The following SP140 variants were observed in gnomAD, a reference collection of about 807,000 sequenced individuals.
SP140 encodes SP140 nuclear body protein, also known as nuclear body protein SP140.
SP140 carries 81 observed loss-of-function variants against 125.0 expected under a neutral mutation model. The ratio of observed to expected loss-of-function variants is 0.65; its 90% CI spans 0.54 to 0.78. The LOEUF is 0.78. Among genes scored for constraint, SP140 ranks in the 30% least tolerant of loss-of-function variants. SP140 has a pLI of 0.00. For missense variants in SP140, 858 were observed against 1,037.0 expected (o/e 0.83, Z 2.37); for synonymous variants, 312 against 354.0 (o/e 0.88, Z 1.33).
At chr2:230,206,651 T>C (rs1482097765) in intron 1 of SP140, among the ~76,000 whole-genome samples, 2 of 99,878 alleles carry the variant, frequency 2.0e-5, no homozygotes, top group African/African-American at 7.0e-5. Context: ...ACCACACTTT[T>C]TCAGTGAGTG....
chr2:230,219,849 T>G, intron 3 of SP140: 1 of 925,536 alleles, frequency 1.1e-6, no homozygotes, highest in Non-Finnish European at 1.3e-6. Flanking sequence ...GAGCGAAGAA[T>G]AAAGCAGCAA....
intron 3 of SP140, among the ~76,000 whole-genome samples, chr2:230,218,750 T>C (rs918073659): frequency 6.6e-6 from 1 of 152,218 alleles, no homozygotes; most frequent in African/African-American, 2.4e-5. Flanking sequence ...CTATGCAAGA[T>C]ACTACATCTC....
At chr2:230,270,059 C>T in intron 14 of SP140, 106 bp downstream of exon 14, 3 of 740,698 alleles carry the variant, frequency 4.1e-6, no homozygotes, top group Middle Eastern at 2.4e-4. Context: ...CTATTCTCCG[C>T]ATTTGCTTGA....
At chr2:230,263,215 C>A (rs542750906) in intron 12 of SP140, among the ~76,000 whole-genome samples, 1 of 152,054 alleles carries the variant, frequency 6.6e-6, no homozygotes, top group East Asian at 1.9e-4. Flanking sequence ...GTATAATGTC[C>A]CTCTGTGTCT....
intron 23 of SP140, chr2:230,310,449 C>T: frequency 1.6e-6 from 1 of 617,752 alleles, no homozygotes; most frequent in East Asian, 3.3e-5. Context: ...TTCTGAAACT[C>T]AGGCCTGACA....
rs529963942 is a variant in SP140 at position 230,276,815 on chromosome 2, G to T, written c.1498+6176G>T. ...TATCAACATTAACAGGAATTTAGAA[G>T]AAGTTGATTACAATCCTCGTGGATG... On this transcript the variant is annotated intron_variant, in intron 15 of 26. Coordinates refer to ENST00000392045, the MANE Select transcript of SP140 (RefSeq NM_007237.5). Among the ~76,000 whole-genome samples, 3 of 152,306 alleles carry T rather than the reference G, an allele frequency of 2.0e-5. No individual in the cohort carries two copies. The South Asian group carries it at 6.2e-4, about 32-fold the overall frequency.
At chr2:230,257,395 A>C (rs1272332659) in intron 12 of SP140, among the ~76,000 whole-genome samples, 1 of 152,092 alleles carries the variant, frequency 6.6e-6, no homozygotes, top group Non-Finnish European at 1.5e-5. Flanking sequence ...AGGAGATGTT[A>C]AGAAGAGAAA....
At chr2:230,194,268 A>C in the SP140 span, among the ~76,000 whole-genome samples, 9 of 152,160 alleles carry the variant, frequency 5.9e-5, no homozygotes, top group Admixed American at 5.9e-4. Flanking sequence ...ACTGACCGGC[A>C]TATCTTAGGC....
chr2:230,302,932 G>T (rs1409322562), intron 22 of SP140, among the ~76,000 whole-genome samples: 2 of 152,128 alleles, frequency 1.3e-5, no homozygotes, highest in Non-Finnish European at 2.9e-5. Context: ...AAAATTCATA[G>T]CATTGAATGC....
rs150500457 is a variant in SP140 at position 230,292,697 on chromosome 2, C to T, written c.1877C>T (p.Thr626Met). Residue 626 changes from threonine to methionine, a missense_variant, in exon 20 of 27, where the codon ACG becomes ATG. By Grantham distance (81) the Thr-to-Met change is moderately conservative (BLOSUM62 -1). This residue lies in a region of SP140 where 791 missense variants were observed against 869.5 expected (regional missense o/e 0.91). Transcript: ENST00000392045. ...QTEDGKWFTPTEFEIKGGHAR... is the reference protein window; with the variant it reads ...QTEDGKWFTPMEFEIKGGHAR... ...GAGGATGGAAAATGGTTCACCCCCA[C>T]GGAATTTGAAATCAAAGGAGGCCAT... 865 of 1,614,094 alleles carry T rather than the reference C, an allele frequency of 5.4e-4. 1 individual carries two copies. In the African/African-American group the frequency reaches 9.8e-3, roughly 18 times the overall value.
At chr2:230,305,009 G>A (rs7563479) in intron 22 of SP140, among the ~76,000 whole-genome samples, 30,124 of 152,118 alleles carry the variant, frequency 0.2, 3,332 homozygotes, top group African/African-American at 0.3. Context: ...CTATGCATCC[G>A]ACGGAGGACT....
intron 1 of SP140, chr2:230,207,973 C>G (rs201827339): frequency 2.3e-6 from 3 of 1,326,834 alleles, no homozygotes; most frequent in Non-Finnish European, 3.2e-6. Context: ...CCAGCTTCCT[C>G]TTGTACTCTC....
rs746024448 is a variant in SP140, at chr2:230,297,412, T to G, written c.2017-9T>G. ...ATATCATAAATCAATCTTTCTGTTT[T>G]TTCAACAGAGAATACTGAAGTCTCA... On this transcript the variant is annotated splice_polypyrimidine_tract_variant and intron_variant, in intron 21 of 26. Transcript: ENST00000392045. The G allele has an allele frequency of 6.2e-7, 1 of 1,613,436 alleles. No individual in the cohort carries two copies. Among genetic ancestry groups the G allele is most frequent in the African/African-American group, 1.3e-5 (1 of 75,052 alleles).
chr2:230,247,209 G>A (rs1274102010), intron 7 of SP140, among the ~76,000 whole-genome samples: 1 of 152,160 alleles, frequency 6.6e-6, no homozygotes, highest in Non-Finnish European at 1.5e-5. Flanking sequence ...ATACGTTCAT[G>A]AAGATATCTG....
At chr2:230,219,012 G>A (rs2045543812) in intron 3 of SP140, among the ~76,000 whole-genome samples, 4 of 152,156 alleles carry the variant, frequency 2.6e-5, no homozygotes, top group Admixed American at 1.3e-4. Context: ...ATCAGCTGAG[G>A]TCAGGAGTTC....
intron 12 of SP140, among the ~76,000 whole-genome samples, chr2:230,262,290 TGTA>T (rs908389789): frequency 6.6e-6 from 1 of 152,214 alleles, no homozygotes; most frequent in Non-Finnish European, 1.5e-5. Flanking sequence ...TGGTGTCAGT[TGTA>T]GTATTTCCTG....
At chr2:230,226,223 C>T (rs1239625540) in intron 1 of SP140, among the ~76,000 whole-genome samples, 1 of 152,136 alleles carries the variant, frequency 6.6e-6, no homozygotes, top group Admixed American at 6.5e-5. Context: ...TCTTCTCCCC[C>T]AGGCCTCCTT....
chr2:230,234,308 C>T (rs1314831706), intron 1 of SP140, among the ~76,000 whole-genome samples: 1 of 152,162 alleles, frequency 6.6e-6, no homozygotes, highest in African/African-American at 2.4e-5. Flanking sequence ...AGAGAGCATG[C>T]CTAACCAGGT....
chr2:230,245,858 T>G lies in SP140; in HGVS notation c.665-5T>G. 1 of 1,589,540 alleles carries G rather than the reference T, an allele frequency of 6.3e-7. No homozygotes were observed. On this transcript the variant is annotated splice_region_variant and splice_polypyrimidine_tract_variant and intron_variant, in intron 6 of 26. Transcript: ENST00000392045. ...TGTCTGTCATGTTCCTCTTTCACTCTGCAGTGTCCTGTAAACTTGCTATAC... is the reference window on the plus strand; with the variant it reads ...TGTCTGTCATGTTCCTCTTTCACTCGGCAGTGTCCTGTAAACTTGCTATAC...
Sources: allele counts gnomAD v4.1 joint callset (sites outside exome capture counted in the v4.1 genomes callset), GRCh38; gene constraint gnomAD v4.1.1; regional missense constraint gnomAD v4.1.1; transcripts MANE v1.5; gene names NCBI Gene and HGNC (gene_info 2026-07-23, HGNC 2026-07-21).